Variants in MAPK10 observed in about 807,000 individuals in gnomAD.
The protein encoded by MAPK10 is JNK3 alpha protein kinase.
Under a neutral mutation model 59.3 loss-of-function variants are expected in MAPK10, and 25 were observed. That is an observed-to-expected ratio of 0.42 (90% CI 0.31 to 0.59). The LOEUF is 0.59. MAPK10 is among the 20% of genes least tolerant of loss of function. MAPK10 has a pLI of 0.15. For missense variants in MAPK10, 351 were observed against 568.9 expected (o/e 0.62, Z 3.90); for synonymous variants, 190 against 200.5 (o/e 0.95, Z 0.44).
intron 2 of MAPK10, among the ~76,000 whole-genome samples, chr4:86,226,607 T>C (rs532250168): frequency 6.6e-6 from 1 of 152,362 alleles, no homozygotes; most frequent in South Asian, 2.1e-4. Flanking sequence ...AAATTGCATA[T>C]TATTTTCATC....
chr4:86,237,937 G>T (rs2092400601), intron 2 of MAPK10, among the ~76,000 whole-genome samples: 1 of 152,054 alleles, frequency 6.6e-6, no homozygotes, highest in South Asian at 2.1e-4. Context: ...TGTCCTGAAT[G>T]GTATTGCCTA....
At chr4:86,315,686 C>T (rs772799625) in intron 2 of MAPK10, among the ~76,000 whole-genome samples, 4 of 151,924 alleles carry the variant, frequency 2.6e-5, no homozygotes, top group Non-Finnish European at 4.4e-5. Context: ...ATAGTTTTTG[C>T]CTGTTAATTT....
At chr4:86,297,103 G>A (rs2095379366) in intron 2 of MAPK10, among the ~76,000 whole-genome samples, 2 of 152,088 alleles carry the variant, frequency 1.3e-5, no homozygotes, top group African/African-American at 4.8e-5. Flanking sequence ...TAGTACTGCT[G>A]GTCAGGACCA....
intron 1 of MAPK10, among the ~76,000 whole-genome samples, chr4:86,557,262 T>C (rs550184943): frequency 5.3e-5 from 8 of 152,184 alleles, no homozygotes; most frequent in African/African-American, 1.9e-4. Context: ...CAGTCTCTTT[T>C]TCTTGACCAC....
At chr4:86,265,903 AG>A (rs1379026548) in intron 2 of MAPK10, among the ~76,000 whole-genome samples, 5 of 152,158 alleles carry the variant, frequency 3.3e-5, no homozygotes, top group Non-Finnish European at 5.9e-5. Flanking sequence ...CATGAATCCT[AG>A]GCCTGCTCTG....
intron 4 of MAPK10, among the ~76,000 whole-genome samples, chr4:86,149,876 T>G (rs1374502954): frequency 6.6e-6 from 1 of 152,204 alleles, no homozygotes; most frequent in Non-Finnish European, 1.5e-5. Context: ...GCCCTCAGTA[T>G]GTTGGCCAGT....
intron 3 of MAPK10, chr4:86,192,007 T>C (rs977600297): frequency 3.3e-5 from 5 of 152,134 alleles, no homozygotes; most frequent in Non-Finnish European, 5.9e-5. Flanking sequence ...CTGTAAAGAA[T>C]TTTATTTCTC....
At chr4:86,200,107 G>A (rs1452637930) in intron 2 of MAPK10, among the ~76,000 whole-genome samples, 3 of 151,970 alleles carry the variant, frequency 2.0e-5, no homozygotes, top group South Asian at 4.1e-4. Context: ...TTTATTGCGT[G>A]TCCAGGGATT....
At chr4:86,114,145 C>A (rs867522580) in intron 4 of MAPK10, among the ~76,000 whole-genome samples, 3 of 152,306 alleles carry the variant, frequency 2.0e-5, no homozygotes, top group East Asian at 3.9e-4. Context: ...AGCTTCTTTG[C>A]ATTGGGTTAG....
chr4:86,470,771 C>G (rs1256604288), intron 1 of MAPK10, among the ~76,000 whole-genome samples: 2 of 152,094 alleles, frequency 1.3e-5, no homozygotes, highest in Non-Finnish European at 1.5e-5. Flanking sequence ...GAAGACAAGA[C>G]TTTCCTATAT....
At chr4:86,060,559 AG>A (rs905436288) in intron 11 of MAPK10, among the ~76,000 whole-genome samples, 2 of 152,156 alleles carry the variant, frequency 1.3e-5, no homozygotes, top group African/African-American at 4.8e-5. Flanking sequence ...GGATCCTAGC[AG>A]GGTGCCTAAA....
At chr4:86,489,486 T>C (rs766312110) in intron 1 of MAPK10, among the ~76,000 whole-genome samples, 2 of 152,178 alleles carry the variant, frequency 1.3e-5, no homozygotes, top group Non-Finnish European at 2.9e-5. Flanking sequence ...GAATTAGTGA[T>C]GTAATTGAAG....
At chr4:86,165,055 C>A (rs1038953618) in intron 3 of MAPK10, among the ~76,000 whole-genome samples, 1 of 152,172 alleles carries the variant, frequency 6.6e-6, no homozygotes, top group African/African-American at 2.4e-5. Context: ...TAAAATTAAT[C>A]TATCTCAATA....
intron 2 of MAPK10, among the ~76,000 whole-genome samples, chr4:86,252,205 G>T (rs373806966): frequency 0.045 from 4,352 of 95,928 alleles, 188 homozygotes; most frequent in African/African-American, 0.13. Flanking sequence ...TTTTGGCTTT[G>T]GTTGCCATTG....
intron 9 of MAPK10, among the ~76,000 whole-genome samples, chr4:86,094,864 C>G (rs1313047592): frequency 6.6e-6 from 1 of 151,750 alleles, no homozygotes; most frequent in Non-Finnish European, 1.5e-5. Context: ...TTACTACTCT[C>G]TAACTTGAAA....
intron 1 of MAPK10, among the ~76,000 whole-genome samples, chr4:86,421,408 T>G (rs1746522701): frequency 6.6e-6 from 1 of 152,210 alleles, no homozygotes; most frequent in African/African-American, 2.4e-5. Flanking sequence ...GACAGCCATA[T>G]ATCCCTGTTT....
intron 1 of MAPK10, among the ~76,000 whole-genome samples, chr4:86,373,490 C>T (rs1406219504): frequency 6.6e-6 from 1 of 151,988 alleles, no homozygotes; most frequent in Non-Finnish European, 1.5e-5. Flanking sequence ...GAATGGGAGA[C>T]AATTTTTGCA....
At chr4:86,548,165 C>T (rs1452027982) in intron 1 of MAPK10, among the ~76,000 whole-genome samples, 3 of 152,114 alleles carry the variant, frequency 2.0e-5, no homozygotes, top group Non-Finnish European at 1.5e-5. Flanking sequence ...TGCAGCTTCA[C>T]TCCTGAAGCC....
At chr4:86,128,120 C>A (rs2060372666) in intron 4 of MAPK10, among the ~76,000 whole-genome samples, 1 of 152,076 alleles carries the variant, frequency 6.6e-6, no homozygotes, top group Non-Finnish European at 1.5e-5. Flanking sequence ...ATAAGATAGG[C>A]ACTCTTGTTG....
Sources: gnomAD v4.1 joint callset for allele counts (sites outside exome capture counted in the v4.1 genomes callset) on GRCh38, gnomAD v4.1.1 for gene constraint, MANE v1.5 for transcripts, NCBI Gene and HGNC (gene_info 2026-07-23, HGNC 2026-07-21) for gene names.